The following VPS35L variants were observed in gnomAD, a reference collection of about 807,000 sequenced individuals.
VPS35L encodes the protein VPS35 endosomal protein-sorting factor-like.
VPS35L carries 83 observed loss-of-function variants against 133.0 expected under a neutral mutation model. The observed-to-expected ratio is 0.62, with a 90% confidence interval of 0.52 to 0.75. VPS35L has a LOEUF of 0.75. Ranked by LOEUF, VPS35L falls within the 30% of genes least tolerant of loss-of-function variation. The pLI is 0.00. For synonymous variants in VPS35L, 423 were observed against 449.9 expected, an observed-to-expected ratio of 0.94 and a Z score of 0.76; for missense variants, 1,083 against 1,206.8, an observed-to-expected ratio of 0.90 and a Z score of 1.52.
rs1278197299 is a variant in VPS35L at position 19,628,652 on chromosome 16, T to C, written c.1399T>C (p.Ser467Pro). The change falls in exon 17 of 31, where the codon TCA becomes CCA. Residue 467 changes from serine (S) to proline (P), a missense_variant. Coordinates refer to ENST00000417362, the MANE Select transcript of VPS35L (RefSeq NM_020314.7). Reference sequence around the variant, plus strand: ...TGTTTCTTAGCATCTTCTTTTTCGATCACTGGGATTAAACTTGGCCTTGGC... The same window carrying C: ...TGTTTCTTAGCATCTTCTTTTTCGACCACTGGGATTAAACTTGGCCTTGGC... ...SGFPKHLLFR[S>P]LGLNLALADP... 1.9e-6 allele frequency: 3 copies of C among 1,581,538 alleles called. No individual in the cohort carries two copies. Among genetic ancestry groups the C allele is most frequent in the Non-Finnish European group, 2.6e-6 (3 of 1,156,814 alleles).
At chr16:19,655,968 T>TA (rs1408397748) in intron 26 of VPS35L, among the ~76,000 whole-genome samples, 3 of 152,136 alleles carry the variant, frequency 2.0e-5, no homozygotes, top group Admixed American at 2.0e-4. Context: ...CTAGAAAAGG[T>TA]ACGTGTTTTA....
intron 1 of VPS35L, among the ~76,000 whole-genome samples, chr16:19,561,302 C>T (rs1328641616): frequency 3.9e-5 from 6 of 152,054 alleles, no homozygotes; most frequent in African/African-American, 7.2e-5. Context: ...ACCTGGGAGG[C>T]GGAGCTTGCA....
intron 28 of VPS35L, among the ~76,000 whole-genome samples, chr16:19,689,431 C>T (rs570849599): frequency 8.5e-5 from 13 of 152,148 alleles, no homozygotes; most frequent in African/African-American, 2.9e-4. Context: ...CCACCATGCC[C>T]AGCTGATTTT....
chr16:19,613,299 TCAAA>T (rs984856565), intron 12 of VPS35L, among the ~76,000 whole-genome samples: 6 of 152,130 alleles, frequency 3.9e-5, no homozygotes, highest in Admixed American at 1.3e-4. Flanking sequence ...CAAGACTGCC[TCAAA>T]CAAACAAACA....
intron 2 of VPS35L, among the ~76,000 whole-genome samples, chr16:19,568,163 A>C (rs1186273028): frequency 6.6e-6 from 1 of 152,138 alleles, no homozygotes; most frequent in East Asian, 1.9e-4. Context: ...TAAGGATATT[A>C]CAAAGAATAC....
intron 8 of VPS35L, among the ~76,000 whole-genome samples, chr16:19,593,994 C>T (rs994075443): frequency 1.1e-4 from 16 of 152,122 alleles, no homozygotes; most frequent in African/African-American, 3.9e-4. Context: ...AAGCTGTCCT[C>T]AGCTTCTGCT....
chr16:19,657,688 C>G (rs982217728), intron 26 of VPS35L, among the ~76,000 whole-genome samples: 4 of 152,160 alleles, frequency 2.6e-5, no homozygotes, highest in Non-Finnish European at 5.9e-5. Flanking sequence ...CTACCACAAA[C>G]TGTAATGGCT....
At chr16:19,583,419 T>C (rs1478164077) in intron 7 of VPS35L, among the ~76,000 whole-genome samples, 1 of 152,180 alleles carries the variant, frequency 6.6e-6, no homozygotes, top group Non-Finnish European at 1.5e-5. Context: ...TAATTCTACA[T>C]ATTTATGGGG....
rs537499666 is a variant in VPS35L at position 19,660,123 on chromosome 16, G to C, written c.2221+8033G>C. 1.2e-3 allele frequency among the ~76,000 whole-genome samples: 187 copies of C among 152,136 alleles called. 4 individuals carry two copies. In the South Asian group the frequency reaches 0.037, roughly 30 times the overall value. ...GTGGATCACTAGAGGCTAGGAGTTC[G>C]AGACCAGCCCGGCCAACATGACAAA... On this transcript the variant is annotated intron_variant, in intron 26 of 30. Coordinates refer to ENST00000417362, the MANE Select transcript of VPS35L (RefSeq NM_020314.7).
chr16:19,592,649 C>T (rs559685801), intron 8 of VPS35L, among the ~76,000 whole-genome samples: 1 of 151,940 alleles, frequency 6.6e-6, no homozygotes, highest in South Asian at 2.1e-4. Context: ...TCCTAAAGCT[C>T]TCCCCAGCAT....
intron 5 of VPS35L, among the ~76,000 whole-genome samples, chr16:19,578,097 T>C (rs1373736974): frequency 1.3e-5 from 2 of 152,334 alleles, no homozygotes; most frequent in East Asian, 3.9e-4. Flanking sequence ...GCCTGTTTTT[T>C]AAGTACAGTT....
chr16:19,600,282 A>G (rs1398477354), intron 8 of VPS35L, among the ~76,000 whole-genome samples: 1 of 151,786 alleles, frequency 6.6e-6, no homozygotes, highest in African/African-American at 2.4e-5. Flanking sequence ...AATCTCATAG[A>G]GGGAAATACT....
In VPS35L at chr16:19,564,887, A is replaced by G. The variant is rs1301659369; in HGVS notation, c.54A>G (p.Ala18=). 1.9e-6 allele frequency: 3 copies of G among 1,613,504 alleles called. No homozygotes were observed. The highest frequency in any genetic ancestry group is 2.5e-6 in the Non-Finnish European group (3 of 1,179,652). Residue 18 remains alanine, a synonymous_variant, in exon 2 of 31, where the codon GCA becomes GCG. Transcript: ENST00000417362. ...ATAGGAACTACAAAGCTGAATTTGC[A>G]TCATGCCGACTGGAGGCTGTACCAT... ...SRNRNYKAEF[A]SCRLEAVPLE...
intron 9 of VPS35L, among the ~76,000 whole-genome samples, chr16:19,606,292 G>T (rs116756425): frequency 0.018 from 2,681 of 152,232 alleles, 71 homozygotes; most frequent in African/African-American, 0.061. Context: ...ACAAGATTCA[G>T]TCATATGAAG....
At chr16:19,568,962 G>T (rs1235904640) in intron 2 of VPS35L, among the ~76,000 whole-genome samples, 2 of 152,096 alleles carry the variant, frequency 1.3e-5, no homozygotes, top group Non-Finnish European at 2.9e-5. Context: ...TAACTTTTAT[G>T]AGGTGTTCAA....
chr16:19,631,770 G>T (rs1328645262), intron 18 of VPS35L, among the ~76,000 whole-genome samples: 1 of 152,096 alleles, frequency 6.6e-6, no homozygotes, highest in Non-Finnish European at 1.5e-5. Flanking sequence ...GTCCAGTGGT[G>T]CAATCGTCAC....
At chr16:19,679,025 C>G (rs1173653515) in intron 27 of VPS35L, among the ~76,000 whole-genome samples, 2 of 151,974 alleles carry the variant, frequency 1.3e-5, no homozygotes, top group African/African-American at 2.4e-5. Context: ...CTGGAACATT[C>G]AGATTGTTGT....
At chr16:19,678,178 T>C (rs1016715349) in intron 27 of VPS35L, among the ~76,000 whole-genome samples, 4 of 152,222 alleles carry the variant, frequency 2.6e-5, no homozygotes, top group Non-Finnish European at 5.9e-5. Context: ...ACCAACCTAA[T>C]ACTTTTTTCC....
chr16:19,626,177 G>T lies in VPS35L; in HGVS notation c.1225G>T (p.Ala409Ser). ...FQCISYHAPE[A>S]LLTEMMERCK... ...ATTATTATTATTTTTAACATAATAG[G>T]CTCTGCTGACCGAGATGATGGAAAG... The change falls in exon 15 of 31, where the codon GCT becomes TCT. Residue 409 changes from alanine to serine, a missense_variant and splice_region_variant. Physicochemically the swap from Ala to Ser is moderately conservative, Grantham distance 99. Coordinates refer to ENST00000417362, the MANE Select transcript of VPS35L (RefSeq NM_020314.7). 2.5e-6 allele frequency: 4 copies of T among 1,583,694 alleles called. No homozygotes were observed. The highest frequency in any genetic ancestry group is 1.7e-6 in the Non-Finnish European group (2 of 1,159,928).
Sources: allele counts gnomAD v4.1 joint callset (sites outside exome capture counted in the v4.1 genomes callset), GRCh38; gene constraint gnomAD v4.1.1; transcripts MANE v1.5; gene names NCBI Gene and HGNC (gene_info 2026-07-23, HGNC 2026-07-21).